MGAM: variants seen among roughly 807,000 people sequenced by gnomAD.
MGAM encodes the protein alpha-1,4-glucosidase.
Under a neutral mutation model 358.8 loss-of-function variants are expected in MGAM, and 253 were observed. The observed-to-expected ratio is 0.71, with a 90% confidence interval of 0.64 to 0.78. MGAM has a LOEUF of 0.78. MGAM is among the 30% of genes least tolerant of loss of function. The pLI, the probability that MGAM is intolerant of heterozygous loss-of-function variation, is 0.00. For missense variants in MGAM, 3,080 were observed against 3,432.6 expected, an observed-to-expected ratio of 0.90 and a Z score of 2.57; for synonymous variants, 1,105 against 1,227.1, an observed-to-expected ratio of 0.90 and a Z score of 2.08.
At chr7:142,051,740 C>A (rs1810969916) in intron 24 of MGAM, among the ~76,000 whole-genome samples, 1 of 151,810 alleles carries the variant, frequency 6.6e-6, no homozygotes, top group Non-Finnish European at 1.5e-5. Flanking sequence ...ATTATTATGC[C>A]CTGTATGCCT....
intron 3 of MGAM, among the ~76,000 whole-genome samples, chr7:142,018,428 G>A (rs1407266461): frequency 6.6e-6 from 1 of 152,184 alleles, no homozygotes; most frequent in Non-Finnish European, 1.5e-5. Context: ...ATCTTTCTGT[G>A]ATCTAATCTT....
At chr7:142,036,016 G>A (rs1224856081) in intron 16 of MGAM, among the ~76,000 whole-genome samples, 153 bp from the exon 17 acceptor site, 3 of 152,026 alleles carry the variant, frequency 2.0e-5, no homozygotes, top group African/African-American at 7.2e-5. Context: ...CAGCATTCAA[G>A]AGTGGACACA....
chr7:142,027,866 C>A, intron 10 of MGAM, 131 bp downstream of exon 10: 1 of 1,009,648 alleles, frequency 9.9e-7, no homozygotes, highest in Non-Finnish European at 1.3e-6. Context: ...TTTAGATATT[C>A]AGAATACTAG....
At chr7:142,057,000 GT>G in intron 30 of MGAM, 58 bp downstream of exon 30, 1 of 1,515,200 alleles carries the variant, frequency 6.6e-7, no homozygotes, top group Non-Finnish European at 9.1e-7. Context: ...GGGTGCCAGA[GT>G]CCACATTGAT....
chr7:142,050,313 G>T (rs1283215402), intron 23 of MGAM, 29 bp downstream of exon 23: 3 of 1,607,558 alleles, frequency 1.9e-6, no homozygotes, highest in Admixed American at 3.3e-5. Flanking sequence ...TGAATCTTAG[G>T]TGTGGGCTTT....
intron 68 of MGAM, among the ~76,000 whole-genome samples, chr7:142,101,491 T>C (rs1002565062): frequency 1.3e-5 from 2 of 151,546 alleles, no homozygotes; most frequent in Non-Finnish European, 2.9e-5. Flanking sequence ...ATTTTTAATT[T>C]TATTCAATCT....
At position 142,083,407 on chromosome 7, in the gene MGAM, C is replaced by A; in HGVS notation, c.6375C>A (p.Tyr2125Ter). Reference protein sequence around the residue: ...GPTPELVTQQYTELIGRPVMV... With the variant: ...GPTPELVTQQ ...CTCCAGAGCTTGTCACCCAGCAGTA[C>A]ACTGAGGTAGGGAGAAATCCAATTG... Residue 2125 changes from tyrosine to a stop codon, truncating the protein, a stop_gained, in exon 53 of 71, where the codon TAC becomes TAA. Coordinates refer to ENST00000475668, the MANE Select transcript of MGAM (RefSeq NM_001365693.1). LOFTEE classifies it high-confidence loss of function. The A allele has an allele frequency of 6.5e-7, 1 of 1,543,302 alleles. No homozygotes were observed. The highest frequency in any genetic ancestry group is 8.9e-7 in the Non-Finnish European group (1 of 1,123,624).
Position 142,062,660 on chromosome 7 carries a change from A to G in MGAM, c.4215A>G (p.Pro1405=). 6.2e-7 allele frequency: 1 copy of G among 1,611,574 alleles called. No homozygotes were observed. Among genetic ancestry groups the G allele is most frequent in the South Asian group, 1.1e-5 (1 of 90,554 alleles). Residue 1405 remains proline, a synonymous_variant, in exon 35 of 71, where the codon CCA becomes CCG. Coordinates refer to ENST00000475668, the MANE Select transcript of MGAM (RefSeq NM_001365693.1). ...KREIEELYNN[P]QNPERSLKFD... The stretch of plus-strand genomic sequence containing the variant: ...AAATAGAAGAACTATACAACAATCC[A>G]CAGAATCCAGAGAGGAGCTTGAAGT...
chr7:142,081,175 G>A (rs1814232527), intron 50 of MGAM, among the ~76,000 whole-genome samples: 1 of 146,512 alleles, frequency 6.8e-6, no homozygotes, highest in Non-Finnish European at 1.5e-5. Flanking sequence ...TTTATGGGGT[G>A]CCTTCTCTAG....
At position 142,041,999 on chromosome 7, in the gene MGAM, T is replaced by A. The variant is rs554263673; in HGVS notation, c.2498+1153T>A. Among the ~76,000 whole-genome samples the A allele has an allele frequency of 8.9e-3, 107 of 12,000 alleles. 5 individuals are homozygous for A. Among genetic ancestry groups the A allele is most frequent in the Non-Finnish European group, 0.012 (91 of 7,332 alleles). The allele number at this position is 12,000 out of a possible 152,430, so 7.9% of individuals were successfully genotyped here. On this transcript the variant is annotated intron_variant, in intron 21 of 70. Coordinates refer to ENST00000475668, the MANE Select transcript of MGAM (RefSeq NM_001365693.1). ...ATATATATAATATAATATATATATATTATATATATAATATAATATATATAT... is the reference window on the plus strand; with the variant it reads ...ATATATATAATATAATATATATATAATATATATATAATATAATATATATAT...
In MGAM at chr7:142,062,661, C is replaced by A; in HGVS notation, c.4216C>A (p.Gln1406Lys). The change falls in exon 35 of 71, where the codon CAG becomes AAG. Residue 1406 changes from glutamine to lysine, a missense_variant. Coordinates refer to ENST00000475668, the MANE Select transcript of MGAM (RefSeq NM_001365693.1). The stretch of plus-strand genomic sequence containing the variant: ...AATAGAAGAACTATACAACAATCCA[C>A]AGAATCCAGAGAGGAGCTTGAAGTT... ...REIEELYNNP[Q>K]NPERSLKFDG... 1 of 1,611,216 alleles carries A rather than the reference C, an allele frequency of 6.2e-7. No individual in the cohort carries two copies. Among genetic ancestry groups the A allele is most frequent in the Non-Finnish European group, 8.5e-7 (1 of 1,178,694 alleles).
chr7:142,010,268 G>C (rs1805503061), intron 3 of MGAM, among the ~76,000 whole-genome samples: 1 of 152,026 alleles, frequency 6.6e-6, no homozygotes, highest in South Asian at 2.1e-4. Flanking sequence ...CTCTAGTTCG[G>C]ATCTTTAGTT....
At position 142,092,627 on chromosome 7, in the gene MGAM, C is replaced by T. The variant is rs1179450558; in HGVS notation, c.7033+19C>T. 1 of 1,512,654 alleles carries T rather than the reference C, an allele frequency of 6.6e-7. No individual in the cohort carries two copies. The highest frequency in any genetic ancestry group is 1.9e-5 in the Admixed American group (1 of 54,006). The allele number at this position is 1,512,654 out of a possible 1,614,324, so 93.7% of individuals were successfully genotyped here. A position where few individuals can be genotyped will look rare whatever the true frequency, so the allele number is the denominator to read the frequency against. ...ATGCCGTGTAAGAATCCTTGGCCTT[C>T]TTGATTGGCAGAGCCATGATTGAAA... On this transcript the variant is annotated intron_variant, in intron 59 of 70. Coordinates refer to ENST00000475668, the MANE Select transcript of MGAM (RefSeq NM_001365693.1).
intron 31 of MGAM, among the ~76,000 whole-genome samples, chr7:142,059,213 T>C (rs1371147881): frequency 6.6e-6 from 1 of 152,236 alleles, no homozygotes; most frequent in Non-Finnish European, 1.5e-5. Flanking sequence ...TGTTTTCTCT[T>C]ATCCTCAGAA....
intron 57 of MGAM, 123 bp downstream of exon 57, chr7:142,086,840 G>A: frequency 2.2e-6 from 1 of 460,400 alleles, no homozygotes; most frequent in Non-Finnish European, 3.7e-6. Flanking sequence ...CTTAGGGCAT[G>A]TGTGTTGGAT....
intron 35 of MGAM, among the ~76,000 whole-genome samples, chr7:142,063,028 G>A (rs1356754929): frequency 3.9e-5 from 6 of 152,080 alleles, no homozygotes; most frequent in African/African-American, 7.2e-5. Flanking sequence ...GAGAAACTCC[G>A]TCTCTACTAA....
At chr7:142,102,781 C>T (rs1816550088) in intron 69 of MGAM, 102 bp downstream of exon 69, 3 of 1,132,792 alleles carry the variant, frequency 2.6e-6, no homozygotes, top group Non-Finnish European at 1.3e-6. Context: ...CTTCATTGCT[C>T]ATCTTGCTAA....
chr7:142,045,180 C>T (rs1193367056), intron 21 of MGAM, among the ~76,000 whole-genome samples: 3 of 33,886 alleles, frequency 8.9e-5, no homozygotes, highest in Admixed American at 4.4e-4. Context: ...TATTATATAA[C>T]ATATATGATA....
rs745977225 is a variant in MGAM, at chr7:142,040,106, T to A, written c.2317-9T>A. 3.6e-5 allele frequency: 58 copies of A among 1,606,546 alleles called. No individual in the cohort carries two copies. The highest frequency in any genetic ancestry group is 4.4e-5 in the Non-Finnish European group (52 of 1,174,562). ...TCCCTCAGGGGACACTACATTTTTT[T>A]AATTTCAGGGTGCAGAGAAAGTGAT... is the stretch of plus-strand genomic sequence containing the variant. On this transcript the variant is annotated splice_polypyrimidine_tract_variant and intron_variant, in intron 19 of 70. Transcript: ENST00000475668.
Sources: gnomAD v4.1 joint callset for allele counts (sites outside exome capture counted in the v4.1 genomes callset) on GRCh38, gnomAD v4.1.1 for gene constraint, MANE v1.5 for transcripts, NCBI Gene and HGNC (gene_info 2026-07-23, HGNC 2026-07-21) for gene names.